The following TNFRSF1B variants were observed in gnomAD, a reference collection of about 807,000 sequenced individuals.
TNFRSF1B encodes the protein TNF receptor superfamily member 1B.
In TNFRSF1B, 19 loss-of-function variants were observed where a neutral mutation model predicts 44.6. The observed-to-expected ratio is 0.43, with a 90% confidence interval of 0.30 to 0.62. The LOEUF (loss-of-function observed/expected upper bound fraction) is 0.62. Among genes scored for constraint, TNFRSF1B ranks in the 20% least tolerant of loss-of-function variants. The pLI, the probability that TNFRSF1B is intolerant of heterozygous loss-of-function variation, is 0.16. For missense variants in TNFRSF1B, 541 were observed against 619.9 expected (o/e 0.87, Z 1.35); for synonymous variants, 252 against 261.1 (o/e 0.97, Z 0.34).
chr1:12,183,748 T>TCTATCTATCTATCTAGCTAGCTAG (rs1279334157), intron 1 of TNFRSF1B, among the ~76,000 whole-genome samples: 3 of 116,984 alleles, frequency 2.6e-5, no homozygotes, highest in South Asian at 3.0e-4. Context: ...TATCTATCTA[T>TCTATCTATCTATCTAGCTAGCTAG]CTAGCTAGCT....
intron 6 of TNFRSF1B, 154 bp downstream of exon 6, chr1:12,193,252 C>A: frequency 1.4e-6 from 1 of 736,446 alleles, no homozygotes; most frequent in Non-Finnish European, 2.4e-6. Context: ...TGCTTTCTCC[C>A]CACACCTGGT....
intron 1 of TNFRSF1B, among the ~76,000 whole-genome samples, chr1:12,175,301 C>T (rs1237773112): frequency 6.6e-6 from 1 of 152,162 alleles, no homozygotes; most frequent in Non-Finnish European, 1.5e-5. Flanking sequence ...CCTTGGTGGC[C>T]CCAGCTGTCA....
chr1:12,206,956 T>G lies in TNFRSF1B; in HGVS notation c.1322T>G (p.Leu441Arg), dbSNP rs1230220017. ...CAGCTGGAGACGCCAGAGACCCTGC[T>G]GGGGAGCACCGAAGAGAAGCCCCTG... ...RSQLETPETLLGSTEEKPLPL... is the reference protein window; with the variant it reads ...RSQLETPETLRGSTEEKPLPL... The change falls in exon 10 of 10, where the codon CTG becomes CGG. Residue 441 changes from leucine (L) to arginine (R), a missense_variant. Transcript: ENST00000376259. 3 of 1,612,796 alleles carry G rather than the reference T, an allele frequency of 1.9e-6. No homozygotes were observed. The highest frequency in any genetic ancestry group is 2.5e-6 in the Non-Finnish European group (3 of 1,178,914).
rs1639007000 is a variant in TNFRSF1B at position 12,187,214 on chromosome 1, C to G, written c.79-1582C>G. Among the ~76,000 whole-genome samples, 1 of 150,974 alleles carries G rather than the reference C, an allele frequency of 6.6e-6. No homozygotes were observed. The highest frequency in any genetic ancestry group is 2.1e-4 in the South Asian group (1 of 4,798). On this transcript the variant is annotated intron_variant, in intron 1 of 9. Coordinates refer to ENST00000376259, the MANE Select transcript of TNFRSF1B (RefSeq NM_001066.3). The surrounding 1 kb of genome is among the most constrained non-coding windows in gnomAD (Gnocchi z 5.5). ...GTCAATTAGGCTGGAAGTGCAGTGG[C>G]ATGATCTCAGCTCACTGCAACCTCC...
chr1:12,198,668 G>T (rs2101119194), intron 8 of TNFRSF1B, among the ~76,000 whole-genome samples: 1 of 141,662 alleles, frequency 7.1e-6, no homozygotes, highest in East Asian at 1.9e-4. Context: ...GTGCTGGCTG[G>T]CTGGCTGGCT....
chr1:12,196,146 GA>G (rs1305138153), intron 8 of TNFRSF1B, among the ~76,000 whole-genome samples: 2 of 151,826 alleles, frequency 1.3e-5, no homozygotes, highest in Admixed American at 6.6e-5. Flanking sequence ...ACTAAAAACA[GA>G]AAAATTAGCC....
chr1:12,176,297 C>T (rs1638655344), intron 1 of TNFRSF1B, among the ~76,000 whole-genome samples: 1 of 152,100 alleles, frequency 6.6e-6, no homozygotes, highest in South Asian at 2.1e-4. Context: ...CTAGCTGGAG[C>T]CAAAGGTTTG....
rs910402749 is a variant in TNFRSF1B, at chr1:12,192,764, T to A, written c.552-99T>A. ...TGGTCCTCAGAGAGGGCACACATCG[T>A]CACTCTCCTATCCTGCCTGCTGGGG... On this transcript the variant is annotated intron_variant, in intron 5 of 9. Coordinates refer to ENST00000376259, the MANE Select transcript of TNFRSF1B (RefSeq NM_001066.3). The A allele has an allele frequency of 4.6e-6, 5 of 1,086,828 alleles. No homozygotes were observed. The African/African-American group carries it at 7.8e-5, about 17-fold the overall frequency. The allele number at this position is 1,086,828 out of a possible 1,614,324, so 67.3% of individuals were successfully genotyped here. A position where few individuals can be genotyped will look rare whatever the true frequency, so the allele number is the denominator to read the frequency against.
chr1:12,205,038 A>G (rs942012802), intron 9 of TNFRSF1B, among the ~76,000 whole-genome samples: 1 of 151,762 alleles, frequency 6.6e-6, no homozygotes, highest in African/African-American at 2.4e-5. Flanking sequence ...AAAAGTCCCT[A>G]CCCTCCTGGG....
intron 2 of TNFRSF1B, among the ~76,000 whole-genome samples, chr1:12,190,458 C>T (rs75849812): frequency 1.6e-5 from 1 of 61,518 alleles, no homozygotes; most frequent in Non-Finnish European, 2.9e-5. Flanking sequence ...GATTCTGTCT[C>T]AAAAAAAAAA....
At position 12,168,534 on chromosome 1, in the gene TNFRSF1B, C is replaced by T. The variant is rs17880179; in HGVS notation, c.78+1365C>T. On this transcript the variant is annotated intron_variant, in intron 1 of 9. Coordinates refer to ENST00000376259, the MANE Select transcript of TNFRSF1B (RefSeq NM_001066.3). The surrounding 1 kb of genome is among the most constrained non-coding windows in gnomAD (Gnocchi z 4.7). Reference sequence around the variant, plus strand: ...TTGGGGTCATGCCATATACTCTGGCCTCAGAGGGGGTCTTCCTGCCGCTGA... The same window carrying T: ...TTGGGGTCATGCCATATACTCTGGCTTCAGAGGGGGTCTTCCTGCCGCTGA... Among the ~76,000 whole-genome samples, 2,112 of 152,210 alleles carry T rather than the reference C, an allele frequency of 0.014. 60 individuals carry two copies. The highest frequency in any genetic ancestry group is 0.048 in the African/African-American group (1,995 of 41,540).
chr1:12,190,813 G>T (rs1388724061), intron 2 of TNFRSF1B, 144 bp from the exon 3 acceptor site: 6 of 912,930 alleles, frequency 6.6e-6, no homozygotes, highest in Non-Finnish European at 1.7e-6. Flanking sequence ...TACTAGATGG[G>T]AGATGATTCT....
rs1638431657 is a variant in TNFRSF1B at position 12,167,873 on chromosome 1, AG to A, written c.78+706del. On this transcript the variant is annotated intron_variant, in intron 1 of 9. Coordinates refer to ENST00000376259, the MANE Select transcript of TNFRSF1B (RefSeq NM_001066.3). ...GGCAAATGAAGTCTCCGGGGGCCGC[AG>A]GAAAATGGAGACAGCAGAAACCCTA... Among the ~76,000 whole-genome samples the A allele has an allele frequency of 3.3e-5, 5 of 152,182 alleles. No homozygotes were observed. The South Asian group carries it at 1.0e-3, about 32-fold the overall frequency.
intron 9 of TNFRSF1B, among the ~76,000 whole-genome samples, chr1:12,206,381 A>T (rs1000211263): frequency 6.6e-6 from 1 of 150,610 alleles, no homozygotes; most frequent in Non-Finnish European, 1.5e-5. Flanking sequence ...AAAAAAAGAC[A>T]GAAGAGACAG....
In TNFRSF1B at chr1:12,185,099, T is replaced by A. The variant is rs934781802; in HGVS notation, c.79-3697T>A. Among the ~76,000 whole-genome samples, 5 of 148,914 alleles carry A rather than the reference T, an allele frequency of 3.4e-5. No homozygotes were observed. In the East Asian group the frequency reaches 9.7e-4, roughly 29 times the overall value. On this transcript the variant is annotated intron_variant, in intron 1 of 9. Transcript: ENST00000376259. ...GGGCCAGGAAGACCCTCTGCCGCAG[T>A]TAGTATTCGATGGAATGGCTTGTGC... is the stretch of plus-strand genomic sequence containing the variant.
chr1:12,173,344 G>T (rs1638562849), intron 1 of TNFRSF1B, among the ~76,000 whole-genome samples: 1 of 152,154 alleles, frequency 6.6e-6, no homozygotes, highest in South Asian at 2.1e-4. Context: ...TCAATATCTT[G>T]GTTCCCCAGC....
chr1:12,188,775 G>T, intron 1 of TNFRSF1B, 21 bp from the exon 2 acceptor site: 1 of 1,611,330 alleles, frequency 6.2e-7, no homozygotes, highest in Non-Finnish European at 8.5e-7. Flanking sequence ...GTTGATGGCA[G>T]TCTTCCCTTC....
chr1:12,192,664 A>G, intron 5 of TNFRSF1B, 140 bp downstream of exon 5: 1 of 820,208 alleles, frequency 1.2e-6, no homozygotes, highest in South Asian at 1.5e-5. Flanking sequence ...GATAAATGGC[A>G]TGGTGGGCAG....
chr1:12,204,193 C>T (rs1349495273), intron 9 of TNFRSF1B, among the ~76,000 whole-genome samples: 6 of 152,090 alleles, frequency 3.9e-5, no homozygotes, highest in East Asian at 1.9e-4. Flanking sequence ...CTCTTTCTCT[C>T]CCTCCCACCC....
Sources: gnomAD v4.1 joint callset for allele counts (sites outside exome capture counted in the v4.1 genomes callset) on GRCh38, gnomAD v4.1.1 for gene constraint, Gnocchi (gnomAD v3.1) non-coding constraint, MANE v1.5 for transcripts, NCBI Gene and HGNC (gene_info 2026-07-23, HGNC 2026-07-21) for gene names.